Variants in CACNA2D3 observed in about 807,000 individuals in gnomAD.
The protein encoded by CACNA2D3 is calcium voltage-gated channel auxiliary subunit alpha2delta 3.
In CACNA2D3, 60 loss-of-function variants were observed where a neutral mutation model predicts 160.6. The observed-to-expected ratio is 0.37, with a 90% CI of 0.30 to 0.46. The LOEUF (loss-of-function observed/expected upper bound fraction) is 0.46. Among genes scored for constraint, CACNA2D3 ranks in the 20% least tolerant of loss-of-function variants. The probability of loss-of-function intolerance (pLI) is 1.00; values close to 1 mark genes in which losing one functional copy is unlikely to be tolerated. For missense variants in CACNA2D3, 1,205 were observed against 1,365.0 expected, an observed-to-expected ratio of 0.88 and a Z score of 1.85; for synonymous variants, 558 against 492.9, an observed-to-expected ratio of 1.13 and a Z score of -1.75.
At chr3:54,466,266 A>G (rs1460428578) in intron 4 of CACNA2D3, among the ~76,000 whole-genome samples, 4 of 152,208 alleles carry the variant, frequency 2.6e-5, no homozygotes, top group African/African-American at 9.6e-5. Flanking sequence ...TGAGTGTTGT[A>G]TAAATTTTTT....
At chr3:54,818,239 G>C (rs1011286368) in intron 14 of CACNA2D3, among the ~76,000 whole-genome samples, 24 of 152,174 alleles carry the variant, frequency 1.6e-4, no homozygotes, top group African/African-American at 5.3e-4. Flanking sequence ...ACCCAGGCTG[G>C]AGTGCAACAA....
intron 3 of CACNA2D3, among the ~76,000 whole-genome samples, chr3:54,340,609 A>G (rs1406454773): frequency 2.0e-5 from 3 of 152,218 alleles, no homozygotes; most frequent in Non-Finnish European, 4.4e-5. Flanking sequence ...TGGAAGTACC[A>G]TAGTTTATTT....
At chr3:54,990,539 A>AAAAG (rs1013006636) in intron 31 of CACNA2D3, among the ~76,000 whole-genome samples, 2 of 152,032 alleles carry the variant, frequency 1.3e-5, no homozygotes, top group African/African-American at 2.4e-5. Context: ...TCAAACAAAA[A>AAAAG]AAAGAAAGAA....
rs772071340 is a variant in CACNA2D3, at chr3:54,891,479, C to T, written c.2246+29C>T. On this transcript the variant is annotated intron_variant, in intron 25 of 37. Transcript: ENST00000474759. Reference sequence around the variant, plus strand: ...AGTAGGAGGGATCCTCTACAGGGGCCCAGGGAGCTTCTGAAATGGAACATT... The same window carrying T: ...AGTAGGAGGGATCCTCTACAGGGGCTCAGGGAGCTTCTGAAATGGAACATT... 2.7e-6 allele frequency: 4 copies of T among 1,486,626 alleles called. No individual in the cohort carries two copies. The East Asian group carries it at 6.8e-5, about 25-fold the overall frequency. 92.1% of individuals were successfully genotyped at this position (1,486,626 alleles called of 1,614,324 possible).
intron 4 of CACNA2D3, among the ~76,000 whole-genome samples, chr3:54,469,655 C>T (rs1700693169): frequency 6.6e-6 from 1 of 151,882 alleles, no homozygotes; most frequent in African/African-American, 2.4e-5. Context: ...CATGTTCTAA[C>T]CCGATACAAG....
chr3:55,019,972 A>G (rs1703410999), intron 35 of CACNA2D3, among the ~76,000 whole-genome samples: 1 of 152,172 alleles, frequency 6.6e-6, no homozygotes, highest in Non-Finnish European at 1.5e-5. Flanking sequence ...GTGTTGTGCA[A>G]CCATCACTAT....
intron 16 of CACNA2D3, among the ~76,000 whole-genome samples, chr3:54,839,798 G>A (rs1372630574): frequency 1.3e-5 from 2 of 152,184 alleles, no homozygotes; most frequent in East Asian, 1.9e-4. Context: ...TGGCTCCATC[G>A]TTGATGAGGT....
chr3:54,930,471 G>T (rs1701157836), intron 27 of CACNA2D3, among the ~76,000 whole-genome samples: 1 of 152,180 alleles, frequency 6.6e-6, no homozygotes, highest in Non-Finnish European at 1.5e-5. Context: ...GAGATATTTA[G>T]CTGTGTCTAT....
chr3:54,321,059 C>T (rs763893256), intron 3 of CACNA2D3, among the ~76,000 whole-genome samples: 1 of 152,148 alleles, frequency 6.6e-6, no homozygotes, highest in Non-Finnish European at 1.5e-5. Flanking sequence ...GTGGCTCATG[C>T]CTGTAATCCC....
chr3:54,422,996 A>G (rs1699861610), intron 4 of CACNA2D3, among the ~76,000 whole-genome samples: 1 of 152,230 alleles, frequency 6.6e-6, no homozygotes, highest in African/African-American at 2.4e-5. Context: ...AAGCAATTCT[A>G]CAGGTAATGG....
chr3:54,403,393 ACACAC>A (rs1699509542), intron 4 of CACNA2D3, among the ~76,000 whole-genome samples: 1 of 146,322 alleles, frequency 6.8e-6, no homozygotes, highest in Non-Finnish European at 1.5e-5. Context: ...ACACACACAC[ACACAC>A]GCACACACAA....
intron 13 of CACNA2D3, among the ~76,000 whole-genome samples, chr3:54,775,113 G>C (rs530695140): frequency 6.6e-6 from 1 of 152,158 alleles, no homozygotes; most frequent in African/African-American, 2.4e-5. Flanking sequence ...GCCTGTTTGA[G>C]TCACAGCCAA....
chr3:54,446,391 G>C (rs1371048827), intron 4 of CACNA2D3, among the ~76,000 whole-genome samples: 1 of 152,170 alleles, frequency 6.6e-6, no homozygotes, highest in Non-Finnish European at 1.5e-5. Flanking sequence ...GATTTGCTTA[G>C]ATAAGGACCC....
At chr3:54,401,463 A>G (rs1275803787) in intron 4 of CACNA2D3, among the ~76,000 whole-genome samples, 1 of 152,244 alleles carries the variant, frequency 6.6e-6, no homozygotes, top group African/African-American at 2.4e-5. Context: ...TTAAACTATC[A>G]AAAGTCAATG....
chr3:54,647,607 T>C (rs1699676889), intron 11 of CACNA2D3, among the ~76,000 whole-genome samples: 1 of 152,098 alleles, frequency 6.6e-6, no homozygotes, highest in Non-Finnish European at 1.5e-5. Flanking sequence ...GCAGCTGGGT[T>C]CCAAGAAAGG....
At chr3:54,535,991 A>G (rs1701883385) in intron 5 of CACNA2D3, among the ~76,000 whole-genome samples, 1 of 152,230 alleles carries the variant, frequency 6.6e-6, no homozygotes, top group Non-Finnish European at 1.5e-5. Context: ...AGAAGTTTCA[A>G]CTTACAGAGG....
intron 2 of CACNA2D3, among the ~76,000 whole-genome samples, chr3:54,146,351 G>A (rs115438550): frequency 3.0e-4 from 46 of 152,376 alleles, no homozygotes; most frequent in African/African-American, 1.1e-3. Context: ...GACTGATGCT[G>A]AGAGTGGCTT....
At chr3:54,898,302 A>G (rs749586173) in intron 26 of CACNA2D3, among the ~76,000 whole-genome samples, 2 of 145,356 alleles carry the variant, frequency 1.4e-5, no homozygotes, top group Non-Finnish European at 3.0e-5. Flanking sequence ...GGCTCATTGC[A>G]ACCTCTGCCT....
intron 31 of CACNA2D3, among the ~76,000 whole-genome samples, chr3:55,002,500 C>T (rs546800966): frequency 1.2e-4 from 18 of 152,336 alleles, no homozygotes; most frequent in South Asian, 1.0e-3. Flanking sequence ...TGACATATCC[C>T]GGTGTCTGGG....
Sources: allele counts gnomAD v4.1 joint callset (sites outside exome capture counted in the v4.1 genomes callset), GRCh38; gene constraint gnomAD v4.1.1; transcripts MANE v1.5; gene names NCBI Gene and HGNC (gene_info 2026-07-23, HGNC 2026-07-21).